The following HLCS variants were observed in gnomAD, a reference collection of about 807,000 sequenced individuals.
HLCS encodes the protein biotin--protein ligase.
HLCS carries 53 observed loss-of-function variants against 75.0 expected under a neutral mutation model. The observed-to-expected ratio is 0.71, with a 90% CI of 0.57 to 0.89. HLCS has a LOEUF of 0.89. HLCS is among the 40% of genes least tolerant of loss of function. HLCS has a pLI of 0.00. For synonymous variants in HLCS, 431 were observed against 428.6 expected (o/e 1.01, Z -0.07); for missense variants, 966 against 1,074.0 (o/e 0.90, Z 1.41).
intron 1 of HLCS, among the ~76,000 whole-genome samples, chr21:36,985,359 G>A (rs917425023): frequency 5.9e-5 from 9 of 151,976 alleles, no homozygotes; most frequent in Non-Finnish European, 1.2e-4. Context: ...CCGGCTGGGC[G>A]CGGTGGCTCA....
rs553470030 is a variant in HLCS at position 36,859,970 on chromosome 21, T to C, written c.1892+36890A>G. 6.4e-4 allele frequency among the ~76,000 whole-genome samples: 97 copies of C among 152,302 alleles called. 2 individuals are homozygous for C. The highest frequency in any genetic ancestry group is 3.4e-3 in the Middle Eastern group (1 of 294). ...GGCCCTGACCCCATCCTGAAATTGT[T>C]CCTTGCAGGTCGCATATTTACTCAA... On this transcript the variant is annotated intron_variant, in intron 6 of 10. Coordinates refer to ENST00000674895, the MANE Select transcript of HLCS (RefSeq NM_001352514.2).
intron 6 of HLCS, among the ~76,000 whole-genome samples, chr21:36,861,477 A>C (rs1328321996): frequency 6.6e-6 from 1 of 152,078 alleles, no homozygotes; most frequent in African/African-American, 2.4e-5. Context: ...TGGTGTACAG[A>C]CCATCTTGTC....
At chr21:36,981,273 TGAA>T (rs1368689485) in intron 1 of HLCS, among the ~76,000 whole-genome samples, 1 of 152,178 alleles carries the variant, frequency 6.6e-6, no homozygotes, top group Non-Finnish European at 1.5e-5. Context: ...GGTTATTTGA[TGAA>T]GGAGGTGCAA....
chr21:36,825,101 G>C (rs929794167), intron 6 of HLCS, among the ~76,000 whole-genome samples: 8 of 152,196 alleles, frequency 5.3e-5, no homozygotes, highest in Non-Finnish European at 1.0e-4. Flanking sequence ...GGAAATTATA[G>C]TATGAGGCCA....
intron 2 of HLCS, among the ~76,000 whole-genome samples, chr21:36,958,304 G>C (rs76117016): frequency 1.3e-5 from 2 of 151,384 alleles, no homozygotes; most frequent in African/African-American, 4.9e-5. Flanking sequence ...CAAAACCGTC[G>C]TATCAACAGC....
chr21:36,856,419 G>A (rs960390049), intron 6 of HLCS, among the ~76,000 whole-genome samples: 5 of 152,102 alleles, frequency 3.3e-5, no homozygotes, highest in African/African-American at 1.2e-4. Context: ...ACTGCGGAAG[G>A]CTTTCATTTT....
At chr21:36,877,829 G>A (rs908370744) in intron 6 of HLCS, among the ~76,000 whole-genome samples, 1 of 152,010 alleles carries the variant, frequency 6.6e-6, no homozygotes. Flanking sequence ...CATCATTATT[G>A]AAACATTTTG....
chr21:36,848,382 G>A (rs1013628169), intron 6 of HLCS, among the ~76,000 whole-genome samples: 3 of 150,400 alleles, frequency 2.0e-5, no homozygotes, highest in East Asian at 2.0e-4. Context: ...CAATTCTCCT[G>A]CCTCAGCCTC....
rs979308593 is a variant in HLCS at position 36,936,701 on chromosome 21, T to G, written c.1185A>C (p.Ser395=). The G allele has an allele frequency of 6.2e-7, 1 of 1,614,114 alleles. No homozygotes were observed. Among genetic ancestry groups the G allele is most frequent in the African/African-American group, 1.3e-5 (1 of 74,940 alleles). The part of the protein sequence containing the change: ...SQGGKVLGLS[S]SFTFGGFQVT... ...CCTGAAAGCCACCAAAGGTGAAGGA[T>G]GAAGACAGGCCCAACACCTTCCCTC... The change falls in exon 4 of 11, where the codon TCA becomes TCC. Residue 395 remains serine, a synonymous_variant. Coordinates refer to ENST00000674895, the MANE Select transcript of HLCS (RefSeq NM_001352514.2).
chr21:36,983,705 C>T (rs868186163), intron 1 of HLCS, among the ~76,000 whole-genome samples: 2 of 151,712 alleles, frequency 1.3e-5, no homozygotes, highest in Non-Finnish European at 2.9e-5. Context: ...GGCGTGGTGG[C>T]GGGCACCTGT....
chr21:36,793,992 G>A (rs926176486), intron 6 of HLCS, among the ~76,000 whole-genome samples: 1 of 152,246 alleles, frequency 6.6e-6, no homozygotes, highest in Non-Finnish European at 1.5e-5. Context: ...CCCTGTGAAT[G>A]TGCTTTCAGA....
rs1246193751 is a variant in HLCS, at chr21:36,953,037, T to C, written c.330+8999A>G. ...TGCACCTAAGTGACCAAGGGGGCTATGTGACAAAGTTCTGTACAATGAAAT... is the reference window on the plus strand; with the variant it reads ...TGCACCTAAGTGACCAAGGGGGCTACGTGACAAAGTTCTGTACAATGAAAT... On this transcript the variant is annotated intron_variant, in intron 2 of 10. Transcript: ENST00000674895. Among the ~76,000 whole-genome samples, 10 of 152,340 alleles carry C rather than the reference T, an allele frequency of 6.6e-5. No individual in the cohort carries two copies. The South Asian group carries it at 2.1e-3, about 32-fold the overall frequency.
intron 6 of HLCS, among the ~76,000 whole-genome samples, chr21:36,884,998 G>T (rs769416210): frequency 2.0e-5 from 3 of 152,010 alleles, no homozygotes; most frequent in Non-Finnish European, 4.4e-5. Flanking sequence ...GATAACTAAA[G>T]GGTTAAGATT....
intron 1 of HLCS, among the ~76,000 whole-genome samples, chr21:36,962,793 CAAAAAAAAAAAA>C (rs386394699): frequency 1.2e-5 from 1 of 80,228 alleles, no homozygotes; most frequent in Non-Finnish European, 2.3e-5. Flanking sequence ...GACCCTATCT[CAAAAAAAAAAAA>C]AAAAAAAAAA....
intron 5 of HLCS, among the ~76,000 whole-genome samples, chr21:36,916,352 A>G (rs1050191345): frequency 3.3e-5 from 5 of 151,760 alleles, no homozygotes; most frequent in Admixed American, 6.6e-5. Context: ...TATGTTCTGT[A>G]ATTTAAGACT....
chr21:36,952,431 A>ATGAG, intron 2 of HLCS, among the ~76,000 whole-genome samples: 1 of 152,146 alleles, frequency 6.6e-6, no homozygotes, highest in African/African-American at 2.4e-5. Flanking sequence ...TCATAAGTGA[A>ATGAG]ATTAGTTAAC....
intron 6 of HLCS, among the ~76,000 whole-genome samples, chr21:36,825,158 G>A (rs1488926726): frequency 3.3e-5 from 5 of 152,164 alleles, no homozygotes; most frequent in Non-Finnish European, 5.9e-5. Context: ...GAGGCAAGAG[G>A]ACTGCTTGAG....
chr21:36,771,685 A>G (rs2060211388), intron 6 of HLCS, among the ~76,000 whole-genome samples: 1 of 152,144 alleles, frequency 6.6e-6, no homozygotes, highest in Non-Finnish European at 1.5e-5. Context: ...CGTGAGTCCA[A>G]TCATGTTTTG....
At chr21:36,979,395 C>G (rs539943742) in intron 1 of HLCS, among the ~76,000 whole-genome samples, 6 of 152,138 alleles carry the variant, frequency 3.9e-5, no homozygotes, top group African/African-American at 1.4e-4. Context: ...GGGGCATTAC[C>G]TTCATCCGTT....
Sources: gnomAD v4.1 joint callset for allele counts (sites outside exome capture counted in the v4.1 genomes callset) on GRCh38, gnomAD v4.1.1 for gene constraint, MANE v1.5 for transcripts, NCBI Gene and HGNC (gene_info 2026-07-23, HGNC 2026-07-21) for gene names.